Variants in GALNT13 observed in about 807,000 individuals in gnomAD.
GALNT13 encodes polypeptide N-acetylgalactosaminyltransferase 13, also known as UDP-GalNAc:polypeptide N-acetylgalactosaminyltransferase 13.
A neutral mutation model predicts 64.2 loss-of-function variants in GALNT13; 28 were observed. That is an observed-to-expected ratio of 0.44 (90% CI 0.32 to 0.60). The LOEUF (loss-of-function observed/expected upper bound fraction) is 0.60. GALNT13 is among the 20% of genes least tolerant of loss of function. GALNT13 has a pLI of 0.05. For missense variants in GALNT13, 577 were observed against 669.8 expected (o/e 0.86, Z 1.53); for synonymous variants, 214 against 224.6 (o/e 0.95, Z 0.42).
chr2:153,094,080 G>A, the GALNT13 span, among the ~76,000 whole-genome samples: 1 of 151,568 alleles, frequency 6.6e-6, no homozygotes, highest in Non-Finnish European at 1.5e-5. Context: ...GTTTTTCTTA[G>A]CCTGACTAAA....
intron 10 of GALNT13, among the ~76,000 whole-genome samples, chr2:154,396,729 T>C (rs968745208): frequency 6.6e-6 from 1 of 152,000 alleles, no homozygotes; most frequent in Non-Finnish European, 1.5e-5. Flanking sequence ...TAGAAAACTC[T>C]TATACACTCA....
At chr2:154,308,339 T>C (rs1693852682) in intron 9 of GALNT13, among the ~76,000 whole-genome samples, 1 of 152,244 alleles carries the variant, frequency 6.6e-6, no homozygotes, top group African/African-American at 2.4e-5. Context: ...TTAGCAGCAT[T>C]TTTGCATTGT....
chr2:153,900,059 C>T (rs968399081), intron 1 of GALNT13, among the ~76,000 whole-genome samples: 2 of 151,174 alleles, frequency 1.3e-5, no homozygotes, highest in African/African-American at 2.4e-5. Context: ...CCTCAGCCTC[C>T]CGAGTAGCTG....
At chr2:153,136,996 C>T in the GALNT13 span, among the ~76,000 whole-genome samples, 1 of 151,942 alleles carries the variant, frequency 6.6e-6, no homozygotes, top group Non-Finnish European at 1.5e-5. Flanking sequence ...AATTATCTCA[C>T]TGCTAATGTG....
chr2:153,268,606 C>T, the GALNT13 span, among the ~76,000 whole-genome samples: 1 of 152,184 alleles, frequency 6.6e-6, no homozygotes, highest in Non-Finnish European at 1.5e-5. Context: ...CCAGTGGGGA[C>T]CTGTATGGTG....
the GALNT13 span, among the ~76,000 whole-genome samples, chr2:153,442,347 C>A: frequency 3.3e-5 from 5 of 152,084 alleles, no homozygotes; most frequent in Non-Finnish European, 5.9e-5. Context: ...ATTTGGTTTG[C>A]CAGTGTTTTA....
At chr2:153,880,849 C>T (rs1316462346) in intron 1 of GALNT13, among the ~76,000 whole-genome samples, 1 of 149,990 alleles carries the variant, frequency 6.7e-6, no homozygotes, top group Non-Finnish European at 1.5e-5. Context: ...GTTCTTCTTT[C>T]CATTCTTCTT....
At chr2:154,407,433 C>T (rs1699598851) in intron 10 of GALNT13, among the ~76,000 whole-genome samples, 1 of 152,000 alleles carries the variant, frequency 6.6e-6, no homozygotes, top group Admixed American at 6.6e-5. Flanking sequence ...TATGTGCAAC[C>T]TATACCATCC....
the GALNT13 span, among the ~76,000 whole-genome samples, chr2:153,708,601 C>G: frequency 6.6e-6 from 1 of 152,054 alleles, no homozygotes; most frequent in African/African-American, 2.4e-5. Context: ...TGTCAGGATT[C>G]CCTTGCAGTC....
At chr2:153,935,681 C>G (rs1690858120) in intron 2 of GALNT13, among the ~76,000 whole-genome samples, 1 of 152,206 alleles carries the variant, frequency 6.6e-6, no homozygotes, top group Admixed American at 6.5e-5. Flanking sequence ...TGTTTCATAG[C>G]ACTTGGAAGA....
At chr2:153,786,886 T>C in the GALNT13 span, among the ~76,000 whole-genome samples, 7 of 152,096 alleles carry the variant, frequency 4.6e-5, no homozygotes, top group Non-Finnish European at 7.4e-5. Flanking sequence ...GGCCGGTCCA[T>C]CTTCCATGGG....
chr2:153,697,632 T>G, the GALNT13 span, among the ~76,000 whole-genome samples: 6 of 152,350 alleles, frequency 3.9e-5, no homozygotes, highest in South Asian at 8.3e-4. Flanking sequence ...GTGAGAATGC[T>G]GTGTGTCTGG....
At chr2:154,331,674 A>G (rs955789791) in intron 9 of GALNT13, among the ~76,000 whole-genome samples, 1 of 152,116 alleles carries the variant, frequency 6.6e-6, no homozygotes, top group East Asian at 1.9e-4. Context: ...TGACAAGGTA[A>G]TGTTAATATA....
At chr2:153,876,627 A>G (rs1316880687) in intron 1 of GALNT13, among the ~76,000 whole-genome samples, 1 of 152,114 alleles carries the variant, frequency 6.6e-6, no homozygotes, top group Non-Finnish European at 1.5e-5. Context: ...AGTGTAGTGT[A>G]TCTATTATAA....
At chr2:154,104,938 G>A (rs1416790514) in intron 3 of GALNT13, among the ~76,000 whole-genome samples, 1 of 152,174 alleles carries the variant, frequency 6.6e-6, no homozygotes. Context: ...GCCATCTGGT[G>A]CTCTGCCCCC....
At chr2:154,394,774 G>T (rs142536271) in intron 9 of GALNT13, among the ~76,000 whole-genome samples, 9 of 152,132 alleles carry the variant, frequency 5.9e-5, no homozygotes, top group Admixed American at 5.9e-4. Context: ...CAAAGACCTT[G>T]TTTTTTCTGC....
chr2:153,167,376 C>T, the GALNT13 span, among the ~76,000 whole-genome samples: 2 of 152,218 alleles, frequency 1.3e-5, no homozygotes, highest in African/African-American at 4.8e-5. Context: ...TTCCCCTCTT[C>T]ACCAGGCTGT....
the GALNT13 span, among the ~76,000 whole-genome samples, chr2:153,558,439 C>T: frequency 5.9e-5 from 9 of 152,156 alleles, no homozygotes; most frequent in African/African-American, 2.2e-4. Context: ...TGAAATAGCC[C>T]CTCCAGCGGT....
the GALNT13 span, among the ~76,000 whole-genome samples, chr2:153,234,237 A>G: frequency 6.6e-6 from 1 of 152,164 alleles, no homozygotes; most frequent in Non-Finnish European, 1.5e-5. Flanking sequence ...CCCAGGAGAT[A>G]GGCACCAGCT....
Sources: gnomAD v4.1 joint callset for allele counts (sites outside exome capture counted in the v4.1 genomes callset) on GRCh38, gnomAD v4.1.1 for gene constraint, MANE v1.5 for transcripts, NCBI Gene and HGNC (gene_info 2026-07-23, HGNC 2026-07-21) for gene names.